Variants in SERPINB5 observed in about 807,000 individuals in gnomAD.
SERPINB5 encodes the protein serpin B5.
A neutral mutation model predicts 32.2 loss-of-function variants in SERPINB5; 27 were observed. The observed-to-expected ratio is 0.84, with a 90% CI of 0.62 to 1.16. The LOEUF (loss-of-function observed/expected upper bound fraction) is 1.16, where lower values mean the gene tolerates loss of function less well. SERPINB5 is among the 50% of genes most tolerant of loss of function. The pLI, the probability that SERPINB5 is intolerant of heterozygous loss-of-function variation, is 0.00. For missense variants in SERPINB5, 388 were observed against 436.3 expected, an observed-to-expected ratio of 0.89 and a Z score of 0.99; for synonymous variants, 154 against 157.4, an observed-to-expected ratio of 0.98 and a Z score of 0.16.
At chr18:63,497,760 A>G (rs1401419883) in intron 5 of SERPINB5, among the ~76,000 whole-genome samples, 1 of 152,154 alleles carries the variant, frequency 6.6e-6, no homozygotes, top group Non-Finnish European at 1.5e-5. Context: ...CTTTGTATGT[A>G]TCCCTTCACT....
chr18:63,488,592 A>C (rs1424822691), intron 3 of SERPINB5, among the ~76,000 whole-genome samples: 1 of 152,148 alleles, frequency 6.6e-6, no homozygotes, highest in African/African-American at 2.4e-5. Context: ...TCTCTTGCAT[A>C]AGAACTATCT....
At chr18:63,493,260 C>G (rs1909378606) in intron 5 of SERPINB5, 165 bp downstream of exon 5, 1 of 803,734 alleles carries the variant, frequency 1.2e-6, no homozygotes, top group Non-Finnish European at 2.1e-6. Context: ...ACAAAAAGAG[C>G]CAGAATCCAG....
chr18:63,488,068 A>G (rs1051788000), intron 3 of SERPINB5, among the ~76,000 whole-genome samples: 2 of 152,132 alleles, frequency 1.3e-5, no homozygotes, highest in African/African-American at 4.8e-5. Flanking sequence ...CAACATTTCT[A>G]GAAGCTCCCT....
rs370939670 is a variant in SERPINB5, at chr18:63,479,154, T to C, written c.-8+2109T>C. Among the ~76,000 whole-genome samples, 12 of 152,276 alleles carry C rather than the reference T, an allele frequency of 7.9e-5. No individual in the cohort carries two copies. The East Asian group carries it at 1.4e-3, about 17-fold the overall frequency. Reference sequence around the variant, plus strand: ...TGTGGGTGAAGAGTGTGGTTGATGGTCTATAAGTAAAATGAACATATATTG... The same window carrying C: ...TGTGGGTGAAGAGTGTGGTTGATGGCCTATAAGTAAAATGAACATATATTG... On this transcript the variant is annotated intron_variant, in intron 1 of 6. Coordinates refer to ENST00000382771, the MANE Select transcript of SERPINB5 (RefSeq NM_002639.5).
rs1246549406 is a variant in SERPINB5, at chr18:63,498,870, GGT to G, written c.568-243_568-242del. Among the ~76,000 whole-genome samples the G allele has an allele frequency of 6.8e-6, 1 of 148,056 alleles. No homozygotes were observed. The highest frequency in any genetic ancestry group is 2.5e-5 in the African/African-American group (1 of 40,354). On this transcript the variant is annotated intron_variant, in intron 5 of 6. Coordinates refer to ENST00000382771, the MANE Select transcript of SERPINB5 (RefSeq NM_002639.5). The surrounding 1 kb of genome is among the most constrained non-coding windows in gnomAD (Gnocchi z 4.2). The stretch of plus-strand genomic sequence containing the variant: ...ATGTATATATAAGTGTGTATATATA[GGT>G]GTGTGTATATGTATATGTATGTATA...
intron 1 of SERPINB5, among the ~76,000 whole-genome samples, chr18:63,483,423 G>T (rs1365065441): frequency 6.6e-6 from 1 of 152,192 alleles, no homozygotes; most frequent in Non-Finnish European, 1.5e-5. Flanking sequence ...ATTGTTATGT[G>T]CTGGGTGTCC....
At chr18:63,492,870 A>G in intron 4 of SERPINB5, 83 bp from the exon 5 acceptor site, 3 of 1,519,186 alleles carry the variant, frequency 2.0e-6, no homozygotes, top group Non-Finnish European at 2.7e-6. Context: ...GAAGTGGTAA[A>G]TACTCAGTGA....
At chr18:63,494,342 AAAAG>A (rs1909405519) in intron 5 of SERPINB5, among the ~76,000 whole-genome samples, 1 of 151,468 alleles carries the variant, frequency 6.6e-6, no homozygotes, top group Non-Finnish European at 1.5e-5. Flanking sequence ...AAAAAAAAAA[AAAAG>A]AAATGGGTAA....
rs190132510 is a variant in SERPINB5, at chr18:63,503,845, G to A, written c.*123G>A. The A allele has an allele frequency of 2.8e-3, 2,793 of 982,402 alleles. 5 individuals carry two copies. Among genetic ancestry groups the A allele is most frequent in the Non-Finnish European group, 3.6e-3 (2,331 of 652,854 alleles). 60.9% of individuals were successfully genotyped at this position (982,402 alleles called of 1,614,324 possible). A position where few individuals can be genotyped will look rare whatever the true frequency, so the allele number is the denominator to read the frequency against. ...GCTAATGTTGCTGGATCAGGAAGCC[G>A]CCAGTACTTGTCATATGTAGCCTTC... On this transcript the variant is annotated 3_prime_UTR_variant, in exon 7 of 7. Coordinates refer to ENST00000382771, the MANE Select transcript of SERPINB5 (RefSeq NM_002639.5).
chr18:63,499,047 G>GTGTATATA (rs376117295), intron 5 of SERPINB5, 73 bp from the exon 6 acceptor site: 977 of 497,428 alleles, frequency 2.0e-3, no homozygotes, highest in South Asian at 5.0e-3. Flanking sequence ...GCGCGTGTGT[G>GTGTATATA]TATATATATA....
At chr18:63,499,059 A>G (rs1909515831) in intron 5 of SERPINB5, 61 bp from the exon 6 acceptor site, 2 of 739,854 alleles carry the variant, frequency 2.7e-6, no homozygotes, top group Non-Finnish European at 4.0e-6. Flanking sequence ...ATATATATAT[A>G]TATATATATT....
At position 63,503,943 on chromosome 18, in the gene SERPINB5, G is replaced by A. The variant is rs780427634; in HGVS notation, c.*221G>A. 23 of 526,604 alleles carry A rather than the reference G, an allele frequency of 4.4e-5. No individual in the cohort carries two copies. The highest frequency in any genetic ancestry group is 1.1e-4 in the Admixed American group (3 of 26,454). 32.6% of individuals were successfully genotyped at this position (526,604 alleles called of 1,614,324 possible). On this transcript the variant is annotated 3_prime_UTR_variant, in exon 7 of 7. Transcript: ENST00000382771. ...TTTTTCCCATAAGACAATGACATAC[G>A]CTTTTAATGAAAAGGAATCACGTTA...
At chr18:63,489,496 C>A (rs752057205) in intron 4 of SERPINB5, 32 bp downstream of exon 4, 2 of 1,279,554 alleles carry the variant, frequency 1.6e-6, no homozygotes, top group Non-Finnish European at 2.3e-6. Flanking sequence ...TGCTATCAAT[C>A]ACCAAGTAAA....
intron 5 of SERPINB5, 83 bp downstream of exon 5, chr18:63,493,178 T>A: frequency 1.3e-6 from 2 of 1,583,786 alleles, no homozygotes; most frequent in Non-Finnish European, 1.7e-6. Flanking sequence ...CATAAATCCA[T>A]TCCAATGAGG....
chr18:63,491,391 A>T (rs1909331237), intron 4 of SERPINB5, among the ~76,000 whole-genome samples: 1 of 143,042 alleles, frequency 7.0e-6, no homozygotes. Context: ...GAGAAGAGAG[A>T]AACTGCGTCT....
chr18:63,502,082 A>G (rs987008093), intron 6 of SERPINB5, among the ~76,000 whole-genome samples: 3 of 149,326 alleles, frequency 2.0e-5, no homozygotes, highest in African/African-American at 4.9e-5. Context: ...GCTTTCAATT[A>G]TTTTCTTCTT....
chr18:63,491,482 A>T (rs1312802011), intron 4 of SERPINB5, among the ~76,000 whole-genome samples: 2 of 139,612 alleles, frequency 1.4e-5, no homozygotes, highest in East Asian at 2.1e-4. Context: ...TCTTTCTTTC[A>T]TTTTTTTTTT....
intron 1 of SERPINB5, among the ~76,000 whole-genome samples, chr18:63,484,185 G>A (rs1430775633): frequency 6.6e-6 from 1 of 152,200 alleles, no homozygotes; most frequent in African/African-American, 2.4e-5. Flanking sequence ...GGCTGAGCAG[G>A]CCCAAGACTG....
intron 6 of SERPINB5, 40 bp from the exon 7 acceptor site, chr18:63,503,290 A>T: frequency 6.4e-7 from 1 of 1,561,246 alleles, no homozygotes. Context: ...TTACAGTTGG[A>T]AATAAATAAA....
Sources: allele counts gnomAD v4.1 joint callset (sites outside exome capture counted in the v4.1 genomes callset), GRCh38; gene constraint gnomAD v4.1.1; non-coding constraint Gnocchi (gnomAD v3.1); transcripts MANE v1.5; gene names NCBI Gene and HGNC (gene_info 2026-07-23, HGNC 2026-07-21).